The following MTMR3 variants were observed in gnomAD, a reference collection of about 807,000 sequenced individuals.
MTMR3 encodes myotubularin related protein 3.
MTMR3 carries 32 observed loss-of-function variants against 132.4 expected under a neutral mutation model. The observed-to-expected ratio is 0.24, with a 90% CI of 0.18 to 0.32. The LOEUF is 0.32. MTMR3 is among the 10% of genes least tolerant of loss of function. The pLI, the probability that MTMR3 is intolerant of heterozygous loss-of-function variation, is 1.00. For missense variants in MTMR3, 1,216 were observed against 1,489.6 expected, an observed-to-expected ratio of 0.82 and a Z score of 3.02; for synonymous variants, 556 against 550.3, an observed-to-expected ratio of 1.01 and a Z score of -0.14.
intron 1 of MTMR3, among the ~76,000 whole-genome samples, chr22:29,930,706 A>T (rs960173673): frequency 3.3e-5 from 5 of 151,742 alleles, no homozygotes; most frequent in Non-Finnish European, 2.9e-5. Flanking sequence ...GAGAAAAAAG[A>T]ATATGAATTT....
intron 1 of MTMR3, among the ~76,000 whole-genome samples, chr22:29,942,775 T>C (rs2065881961): frequency 6.6e-6 from 1 of 152,230 alleles, no homozygotes; most frequent in Non-Finnish European, 1.5e-5. Flanking sequence ...TAAGGTTATC[T>C]CTCTTGTTCC....
chr22:29,990,284 G>A (rs1183379545), intron 6 of MTMR3: 3 of 152,126 alleles, frequency 2.0e-5, no homozygotes, highest in Non-Finnish European at 2.9e-5. Context: ...AAATTTAATA[G>A]CTCTAGAGGT....
intron 3 of MTMR3, among the ~76,000 whole-genome samples, chr22:29,975,701 G>A (rs760346960): frequency 4.6e-5 from 7 of 152,188 alleles, no homozygotes; most frequent in African/African-American, 9.6e-5. Flanking sequence ...TGCACCTCAG[G>A]TGCAGGTGAT....
At chr22:29,993,492 T>C (rs2067003803) in intron 7 of MTMR3, 1 of 152,180 alleles carries the variant, frequency 6.6e-6, no homozygotes, top group Non-Finnish European at 1.5e-5. Flanking sequence ...CATTATGTTA[T>C]ATAAGAACTT....
At chr22:29,896,014 C>T (rs536716106) in intron 1 of MTMR3, among the ~76,000 whole-genome samples, 4 of 152,208 alleles carry the variant, frequency 2.6e-5, no homozygotes, top group African/African-American at 9.6e-5. Context: ...ACTTATCAAG[C>T]TTTTTCACCT....
chr22:29,888,945 AATTT>A (rs1282580339), intron 1 of MTMR3, among the ~76,000 whole-genome samples: 3 of 151,798 alleles, frequency 2.0e-5, no homozygotes, highest in African/African-American at 7.3e-5. Context: ...GAGAAATATA[AATTT>A]ATTTAGTTTT....
chr22:29,929,072 G>A (rs996346604), intron 1 of MTMR3, among the ~76,000 whole-genome samples: 27 of 152,040 alleles, frequency 1.8e-4, no homozygotes, highest in African/African-American at 6.0e-4. Context: ...CTGAGGTCAG[G>A]AGTTCAAGAC....
intron 1 of MTMR3, among the ~76,000 whole-genome samples, chr22:29,920,609 A>G (rs560448341): frequency 1.3e-5 from 2 of 152,362 alleles, no homozygotes; most frequent in East Asian, 3.9e-4. Context: ...GGATGGTAGG[A>G]AAATAATCTT....
At chr22:30,001,357 T>C (rs9614128) in intron 8 of MTMR3, 23,628 of 152,456 alleles carry the variant, frequency 0.15, 1,922 homozygotes, top group South Asian at 0.25. Flanking sequence ...TGCCACTGCA[T>C]TCCAGCCTGG....
At chr22:30,013,246 G>A (rs555911735) in intron 13 of MTMR3, 110 bp from the exon 14 acceptor site, 2 of 1,138,508 alleles carry the variant, frequency 1.8e-6, no homozygotes, top group Non-Finnish European at 2.5e-6. Flanking sequence ...AGGCCGGGTG[G>A]GCTTTCTGGG....
At chr22:29,971,414 G>A (rs2066532930) in intron 3 of MTMR3, among the ~76,000 whole-genome samples, 1 of 152,106 alleles carries the variant, frequency 6.6e-6, no homozygotes, top group Non-Finnish European at 1.5e-5. Context: ...GTGTGTGTGT[G>A]TTTGTGTGTA....
chr22:29,949,316 C>T (rs967501353), intron 1 of MTMR3, among the ~76,000 whole-genome samples: 2 of 151,836 alleles, frequency 1.3e-5, no homozygotes, highest in Admixed American at 6.6e-5. Flanking sequence ...GGTGAAACAC[C>T]CCATCTGTAC....
At chr22:30,003,216 T>G in intron 9 of MTMR3, 1 of 411,274 alleles carries the variant, frequency 2.4e-6, no homozygotes, top group Non-Finnish European at 4.4e-6. Flanking sequence ...GATAAGAAAG[T>G]TTTAGTTGTA....
chr22:29,900,450 C>G (rs1395879698), intron 1 of MTMR3, among the ~76,000 whole-genome samples: 2 of 152,130 alleles, frequency 1.3e-5, no homozygotes, highest in African/African-American at 4.8e-5. Context: ...AGGCCACTTA[C>G]CTTACAGAGC....
At chr22:29,958,159 T>G (rs1264001549) in intron 2 of MTMR3, among the ~76,000 whole-genome samples, 1 of 152,200 alleles carries the variant, frequency 6.6e-6, no homozygotes, top group Non-Finnish European at 1.5e-5. Context: ...CTTTCTCCAG[T>G]GTGGCTACTA....
At chr22:29,940,070 A>T (rs2090260653) in intron 1 of MTMR3, among the ~76,000 whole-genome samples, 1 of 152,164 alleles carries the variant, frequency 6.6e-6, no homozygotes, top group African/African-American at 2.4e-5. Flanking sequence ...GATCGAGACC[A>T]TCCTGGCTAA....
At chr22:29,889,783 A>G (rs1202564705) in intron 1 of MTMR3, among the ~76,000 whole-genome samples, 2 of 152,120 alleles carry the variant, frequency 1.3e-5, no homozygotes, top group East Asian at 3.9e-4. Flanking sequence ...CATAGTTTAT[A>G]GCAGTTCTGT....
intron 2 of MTMR3, among the ~76,000 whole-genome samples, chr22:29,967,971 C>T (rs961079503): frequency 1.3e-5 from 2 of 151,346 alleles, no homozygotes; most frequent in South Asian, 2.1e-4. Flanking sequence ...TATCCATTCA[C>T]ATTTTGTTTG....
At chr22:29,957,145 C>G (rs906317249) in intron 2 of MTMR3, 57 bp downstream of exon 2, 4 of 147,540 alleles carry the variant, frequency 2.7e-5, no homozygotes, top group Non-Finnish European at 6.0e-5. Flanking sequence ...TCTCTCTGTG[C>G]TGTTTCGAGG....
Sources: allele counts gnomAD v4.1 joint callset (sites outside exome capture counted in the v4.1 genomes callset), GRCh38; gene constraint gnomAD v4.1.1; transcripts MANE v1.5; gene names NCBI Gene and HGNC (gene_info 2026-07-23, HGNC 2026-07-21).